RRN3: variants seen among roughly 807,000 people sequenced by gnomAD.
The protein encoded by RRN3 is RNA polymerase I transcription factor RRN3.
In RRN3, 38 loss-of-function variants were observed where a neutral mutation model predicts 82.3. That is an observed-to-expected ratio of 0.46 (90% confidence interval 0.36 to 0.61). RRN3 has a LOEUF of 0.61. Ranked by LOEUF, RRN3 falls within the 20% of genes least tolerant of loss-of-function variation. RRN3 has a pLI of 0.00. For missense variants in RRN3, 726 were observed against 793.1 expected (o/e 0.92, Z 1.02); for synonymous variants, 284 against 284.3 (o/e 1.00, Z 0.01).
At chr16:15,068,118 T>C (rs745908241) in intron 15 of RRN3, 51 bp downstream of exon 15, 4 of 1,488,460 alleles carry the variant, frequency 2.7e-6, no homozygotes, top group Non-Finnish European at 3.6e-6. Flanking sequence ...TAGATAAACA[T>C]AAATAAAAAT....
intron 9 of RRN3, among the ~76,000 whole-genome samples, chr16:15,077,968 G>A (rs557292110): frequency 1.0e-3 from 156 of 152,246 alleles, no homozygotes; most frequent in Non-Finnish European, 1.8e-3. Context: ...TAAACATATC[G>A]TCAATCAACT....
At chr16:15,081,622 G>C (rs1384801492) in intron 8 of RRN3, among the ~76,000 whole-genome samples, 2 of 152,100 alleles carry the variant, frequency 1.3e-5, no homozygotes, top group Non-Finnish European at 2.9e-5. Flanking sequence ...CCCATTATTT[G>C]GGGATCCTTT....
At position 15,069,959 on chromosome 16, in the gene RRN3, C is replaced by T. The variant is rs368254106; in HGVS notation, c.1444+111G>A. ...ATTATTAAAAGTTTGAGTGCACATG[C>T]AGTTTTCTGAATCCAGTTTTTATAA... On this transcript the variant is annotated intron_variant, in intron 14 of 17. Transcript: ENST00000198767. 2.1e-5 allele frequency: 30 copies of T among 1,450,874 alleles called. No individual in the cohort carries two copies. In the South Asian group the frequency reaches 3.3e-4, roughly 16 times the overall value. The allele number at this position is 1,450,874 out of a possible 1,614,324, so 89.9% of individuals were successfully genotyped here. A position where few individuals can be genotyped will look rare whatever the true frequency, so the allele number is the denominator to read the frequency against.
At chr16:15,072,854 A>G in intron 12 of RRN3, 96 bp downstream of exon 12, 3 of 1,235,348 alleles carry the variant, frequency 2.4e-6, no homozygotes, top group Non-Finnish European at 3.4e-6. Context: ...GAAAAGAATT[A>G]TTTACTTCAT....
intron 15 of RRN3, among the ~76,000 whole-genome samples, chr16:15,066,520 C>G (rs2044980342): frequency 6.6e-6 from 1 of 151,728 alleles, no homozygotes; most frequent in African/African-American, 2.4e-5. Flanking sequence ...GTAGTCCCAG[C>G]TATTCGGGAG....
At chr16:15,072,685 T>C (rs1187945856) in intron 12 of RRN3, among the ~76,000 whole-genome samples, 1 of 151,910 alleles carries the variant, frequency 6.6e-6, no homozygotes, top group Non-Finnish European at 1.5e-5. Flanking sequence ...TGGTCCCAGC[T>C]ATCGAGAGGG....
At chr16:15,090,619 T>C (rs2046092070) in intron 3 of RRN3, among the ~76,000 whole-genome samples, 1 of 152,232 alleles carries the variant, frequency 6.6e-6, no homozygotes, top group Admixed American at 6.5e-5. Flanking sequence ...ACTCCATATT[T>C]TTTAAATCTC....
intron 17 of RRN3, among the ~76,000 whole-genome samples, chr16:15,062,978 G>A (rs2044773727): frequency 6.6e-6 from 1 of 152,058 alleles, no homozygotes; most frequent in Admixed American, 6.6e-5. Context: ...AGAGGAGCTG[G>A]GATTACAGGT....
intron 3 of RRN3, among the ~76,000 whole-genome samples, chr16:15,088,331 G>C (rs1369361382): frequency 2.6e-5 from 4 of 152,056 alleles, no homozygotes; most frequent in African/African-American, 9.7e-5. Flanking sequence ...GCCAGGCATG[G>C]TAGCACATGC....
At chr16:15,071,963 T>TC (rs1427458437) in intron 12 of RRN3, among the ~76,000 whole-genome samples, 3 of 152,134 alleles carry the variant, frequency 2.0e-5, no homozygotes, top group African/African-American at 7.2e-5. Flanking sequence ...CAAAGCACCT[T>TC]CCGGTCTCTG....
intron 10 of RRN3, among the ~76,000 whole-genome samples, chr16:15,075,101 T>A (rs111470231): frequency 0.056 from 8,449 of 150,458 alleles, 389 homozygotes; most frequent in African/African-American, 0.12. Context: ...AATACAAGAA[T>A]TAGCCAGGTA....
intron 3 of RRN3, among the ~76,000 whole-genome samples, chr16:15,087,188 A>G (rs2045943413): frequency 6.6e-6 from 1 of 152,208 alleles, no homozygotes; most frequent in South Asian, 2.1e-4. Flanking sequence ...AGGCTTAGAC[A>G]TATAAATAAA....
chr16:15,066,609 G>C (rs1393245717), intron 15 of RRN3, among the ~76,000 whole-genome samples: 1 of 151,256 alleles, frequency 6.6e-6, no homozygotes, highest in African/African-American at 2.4e-5. Flanking sequence ...CTCCAGCCTG[G>C]GTGACAGAGC....
intron 1 of RRN3, among the ~76,000 whole-genome samples, 180 bp from the exon 2 acceptor site, chr16:15,092,794 C>T (rs1005687847): frequency 6.6e-6 from 1 of 152,176 alleles, no homozygotes; most frequent in African/African-American, 2.4e-5. Flanking sequence ...ACTGTCTTCC[C>T]ACTGCACTTA....
chr16:15,073,088 G>A lies in RRN3; in HGVS notation c.998-8C>T. The A allele has an allele frequency of 6.2e-7, 1 of 1,602,850 alleles. No homozygotes were observed. Among genetic ancestry groups the A allele is most frequent in the Non-Finnish European group, 8.5e-7 (1 of 1,177,434 alleles). The stretch of plus-strand genomic sequence containing the variant: ...TGCCGTTATCAACCTTACCTATGGA[G>A]AAAATCTGGCATCTCAGTTTTTATA... On this transcript the variant is annotated splice_region_variant and splice_polypyrimidine_tract_variant and intron_variant, in intron 11 of 17. Transcript: ENST00000198767.
intron 16 of RRN3, 22 bp from the exon 17 acceptor site, chr16:15,063,305 C>G (rs778280930): frequency 1.3e-6 from 2 of 1,567,932 alleles, no homozygotes; most frequent in Admixed American, 3.3e-5. Flanking sequence ...GATCACATTT[C>G]AAAGTCAAGT....
At chr16:15,076,511 C>T (rs761071467) in intron 10 of RRN3, 47 bp downstream of exon 10, 7 of 1,270,438 alleles carry the variant, frequency 5.5e-6, no homozygotes, top group Non-Finnish European at 8.1e-6. Context: ...GCTGTTTCCA[C>T]CCTTTATGAT....
In RRN3 at chr16:15,073,223, T is replaced by C. The variant is rs1463634280; in HGVS notation, c.998-143A>G. 8 of 921,074 alleles carry C rather than the reference T, an allele frequency of 8.7e-6. No individual in the cohort carries two copies. In the Admixed American group the frequency reaches 1.6e-4, roughly 19 times the overall value. The allele number at this position is 921,074 out of a possible 1,614,324, so 57.1% of individuals were successfully genotyped here. A position where few individuals can be genotyped will look rare whatever the true frequency, so the allele number is the denominator to read the frequency against. ...GCTCCTGCCTGCAATCCCAGCACTT[T>C]GGGAGGCCAAAGTGAGAGGGAGCCC... On this transcript the variant is annotated intron_variant, in intron 11 of 17. Transcript: ENST00000198767.
chr16:15,065,675 C>T (rs189682128), intron 15 of RRN3, among the ~76,000 whole-genome samples: 99 of 152,088 alleles, frequency 6.5e-4, no homozygotes, highest in African/African-American at 2.3e-3. Flanking sequence ...AGATACTATT[C>T]ATTAAAAATA....
Sources: allele counts gnomAD v4.1 joint callset (sites outside exome capture counted in the v4.1 genomes callset), GRCh38; gene constraint gnomAD v4.1.1; transcripts MANE v1.5; gene names NCBI Gene and HGNC (gene_info 2026-07-23, HGNC 2026-07-21).